The following MAPK10 variants were observed in gnomAD, a reference collection of about 807,000 sequenced individuals.
MAPK10 encodes the protein mitogen-activated protein kinase 10, also known as JNK3 alpha protein kinase.
Under a neutral mutation model 59.3 loss-of-function variants are expected in MAPK10, and 25 were observed. That is an observed-to-expected ratio of 0.42 (90% CI 0.31 to 0.59). The LOEUF (loss-of-function observed/expected upper bound fraction) is 0.59, where lower values mean the gene tolerates loss of function less well. MAPK10 is among the 20% of genes least tolerant of loss of function. The probability of loss-of-function intolerance (pLI) is 0.15; values close to 1 mark genes in which losing one functional copy is unlikely to be tolerated. For missense variants in MAPK10, 351 were observed against 568.9 expected (o/e 0.62, Z 3.90); for synonymous variants, 190 against 200.5 (o/e 0.95, Z 0.44).
intron 1 of MAPK10, among the ~76,000 whole-genome samples, chr4:86,368,324 G>A (rs1045078351): frequency 5.9e-5 from 9 of 152,110 alleles, no homozygotes; most frequent in African/African-American, 2.2e-4. Flanking sequence ...TTGCACTCAT[G>A]TGATACATTT....
intron 11 of MAPK10, among the ~76,000 whole-genome samples, chr4:86,046,160 C>CTT: frequency 6.6e-6 from 1 of 151,696 alleles, no homozygotes; most frequent in South Asian, 2.1e-4. Context: ...ATTTTGTATC[C>CTT]TGAGACTTTG....
chr4:86,433,366 C>G (rs1394635076), intron 1 of MAPK10, among the ~76,000 whole-genome samples: 1 of 152,002 alleles, frequency 6.6e-6, no homozygotes, highest in Non-Finnish European at 1.5e-5. Context: ...GCAGCTAATA[C>G]CAAAATACAA....
intron 2 of MAPK10, among the ~76,000 whole-genome samples, chr4:86,347,348 T>C (rs1219863671): frequency 6.6e-6 from 1 of 152,158 alleles, no homozygotes; most frequent in African/African-American, 2.4e-5. Context: ...CCTAAAATTT[T>C]TGCAGATGCT....
intron 2 of MAPK10, among the ~76,000 whole-genome samples, chr4:86,195,641 A>G (rs576829587): frequency 1.3e-5 from 2 of 152,316 alleles, no homozygotes; most frequent in East Asian, 3.9e-4. Context: ...TTACATAGGT[A>G]TACATGTGCC....
chr4:86,280,031 C>A lies in MAPK10; in HGVS notation c.-7+74499G>T, dbSNP rs1027547384. Among the ~76,000 whole-genome samples the A allele has an allele frequency of 2.6e-5, 4 of 152,246 alleles. No homozygotes were observed. In the East Asian group the frequency reaches 7.7e-4, roughly 29 times the overall value. ...ACCCTAGAAGAAAACCTAGGAAATA[C>A]CTTTCTTGACATCAGCCTTAGCAAA... On this transcript the variant is annotated intron_variant, in intron 2 of 13. Coordinates refer to ENST00000641462, the MANE Select transcript of MAPK10 (RefSeq NM_138982.4).
intron 4 of MAPK10, among the ~76,000 whole-genome samples, chr4:86,154,638 C>T (rs558904562): frequency 6.6e-6 from 1 of 152,176 alleles, no homozygotes; most frequent in African/African-American, 2.4e-5. Context: ...TTTTATGTAT[C>T]TAGCTTGTTT....
chr4:86,218,582 A>G (rs200032052), intron 2 of MAPK10, among the ~76,000 whole-genome samples: 1 of 151,974 alleles, frequency 6.6e-6, no homozygotes, highest in Admixed American at 6.5e-5. Flanking sequence ...AAAAAAAAAA[A>G]AAAAACACTT....
intron 2 of MAPK10, among the ~76,000 whole-genome samples, chr4:86,295,742 T>TTA (rs1450197895): frequency 7.0e-6 from 1 of 143,854 alleles, no homozygotes; most frequent in African/African-American, 2.7e-5. Context: ...ATATATAAAT[T>TTA]TATATATATT....
At chr4:86,221,265 A>C (rs370434149) in intron 2 of MAPK10, among the ~76,000 whole-genome samples, 17 of 152,238 alleles carry the variant, frequency 1.1e-4, no homozygotes, top group African/African-American at 3.9e-4. Context: ...CCAGCATGCC[A>C]TTGGCTTTTA....
chr4:86,294,995 T>C (rs1411358522), intron 2 of MAPK10, among the ~76,000 whole-genome samples: 1 of 152,168 alleles, frequency 6.6e-6, no homozygotes, highest in African/African-American at 2.4e-5. Flanking sequence ...TACAGGGAAC[T>C]TGCTAGAGGC....
intron 4 of MAPK10, among the ~76,000 whole-genome samples, chr4:86,144,995 A>G (rs2064542399): frequency 6.6e-6 from 1 of 152,064 alleles, no homozygotes; most frequent in African/African-American, 2.4e-5. Flanking sequence ...TTACCAAAAA[A>G]AACCCAAAAA....
intron 1 of MAPK10, among the ~76,000 whole-genome samples, chr4:86,369,951 C>A (rs1738504105): frequency 1.3e-5 from 2 of 152,148 alleles, no homozygotes; most frequent in South Asian, 2.1e-4. Context: ...TCATGAGAAA[C>A]AAATTAGATA....
rs183873226 is a variant in MAPK10, at chr4:86,463,710, T to C, written c.-262-109066A>G. 1.8e-4 allele frequency among the ~76,000 whole-genome samples: 27 copies of C among 152,318 alleles called. No homozygotes were observed. In the East Asian group the frequency reaches 3.9e-3, roughly 22 times the overall value. On this transcript the variant is annotated intron_variant, in intron 1 of 4. Coordinates refer to the MAPK10 transcript ENST00000502302. ...TTCAAAAATTACTAGGGGACATTAATTGGATATGACCTGCTCTAGGCATTC... is the reference window on the plus strand; with the variant it reads ...TTCAAAAATTACTAGGGGACATTAACTGGATATGACCTGCTCTAGGCATTC...
At chr4:86,557,933 CTTTA>C (rs1236839561) in intron 1 of MAPK10, among the ~76,000 whole-genome samples, 2 of 152,016 alleles carry the variant, frequency 1.3e-5, no homozygotes, top group Non-Finnish European at 2.9e-5. Flanking sequence ...TTAATAATAT[CTTTA>C]TTCTAAACTG....
intron 2 of MAPK10, among the ~76,000 whole-genome samples, chr4:86,312,477 T>C (rs1376502316): frequency 1.3e-5 from 2 of 152,076 alleles, no homozygotes; most frequent in East Asian, 3.9e-4. Context: ...GGACTTCTGG[T>C]TGAAAGGTGA....
At chr4:86,094,579 A>G (rs923426029) in intron 9 of MAPK10, among the ~76,000 whole-genome samples, 2 of 151,956 alleles carry the variant, frequency 1.3e-5, no homozygotes, top group Non-Finnish European at 2.9e-5. Context: ...GAATGTATCT[A>G]AAAGAAGCAG....
At chr4:86,260,727 T>C (rs1385562480) in intron 2 of MAPK10, among the ~76,000 whole-genome samples, 4 of 152,126 alleles carry the variant, frequency 2.6e-5, no homozygotes, top group Non-Finnish European at 5.9e-5. Flanking sequence ...TATAGGGAAG[T>C]CAGATTTTAA....
chr4:86,560,423 T>C (rs539602846), intron 1 of MAPK10, among the ~76,000 whole-genome samples: 2 of 152,376 alleles, frequency 1.3e-5, no homozygotes, highest in South Asian at 4.1e-4. Context: ...AAGAGATCTA[T>C]CTTCTTTCAA....
At chr4:86,135,153 C>A (rs1227622635) in intron 4 of MAPK10, among the ~76,000 whole-genome samples, 2 of 152,158 alleles carry the variant, frequency 1.3e-5, no homozygotes, top group Non-Finnish European at 1.5e-5. Flanking sequence ...AAACAAAGCA[C>A]CCTAGAAGCT....
Sources: gnomAD v4.1 joint callset for allele counts (sites outside exome capture counted in the v4.1 genomes callset) on GRCh38, gnomAD v4.1.1 for gene constraint, MANE v1.5 for transcripts, NCBI Gene and HGNC (gene_info 2026-07-23, HGNC 2026-07-21) for gene names.